ARHGAP24: variants seen among roughly 807,000 people sequenced by gnomAD.
ARHGAP24 encodes the protein rho GTPase-activating protein 24.
ARHGAP24 carries 50 observed loss-of-function variants against 76.4 expected under a neutral mutation model. That is an observed-to-expected ratio of 0.65 (90% CI 0.52 to 0.83). The LOEUF is 0.83. ARHGAP24 is among the 40% of genes least tolerant of loss of function. The pLI, the probability that ARHGAP24 is intolerant of heterozygous loss-of-function variation, is 0.00. For missense variants in ARHGAP24, 930 were observed against 914.2 expected (o/e 1.02, Z -0.22); for synonymous variants, 345 against 323.3 (o/e 1.07, Z -0.72).
chr4:85,827,116 A>C (rs1268159865), intron 3 of ARHGAP24, among the ~76,000 whole-genome samples: 1 of 152,202 alleles, frequency 6.6e-6, no homozygotes, highest in Non-Finnish European at 1.5e-5. Flanking sequence ...GAAGACCCCC[A>C]AAATTAAAGT....
intron 6 of ARHGAP24, among the ~76,000 whole-genome samples, chr4:85,972,859 G>A (rs1018533510): frequency 6.6e-6 from 1 of 152,016 alleles, no homozygotes; most frequent in Admixed American, 6.6e-5. Context: ...GTGTGTGCAC[G>A]ATTGGCTTCT....
intron 2 of ARHGAP24, among the ~76,000 whole-genome samples, chr4:85,716,238 G>A (rs1023190418): frequency 6.6e-6 from 1 of 152,070 alleles, no homozygotes; most frequent in Non-Finnish European, 1.5e-5. Context: ...TTGGCTCAGT[G>A]ATCTGGTATT....
chr4:85,615,683 A>G (rs548035854), intron 2 of ARHGAP24, among the ~76,000 whole-genome samples: 72 of 152,332 alleles, frequency 4.7e-4, no homozygotes, highest in Non-Finnish European at 7.5e-4. Flanking sequence ...TGTAATCATG[A>G]AATTATTAAT....
chr4:85,586,410 T>C (rs1200301673), intron 2 of ARHGAP24, among the ~76,000 whole-genome samples: 1 of 152,234 alleles, frequency 6.6e-6, no homozygotes, highest in Non-Finnish European at 1.5e-5. Context: ...GAATACAGTT[T>C]CATGGTGACA....
intron 3 of ARHGAP24, among the ~76,000 whole-genome samples, chr4:85,756,673 TCTC>T (rs1170816095): frequency 6.6e-6 from 1 of 152,160 alleles, no homozygotes; most frequent in Non-Finnish European, 1.5e-5. Context: ...AGAGAAAAAT[TCTC>T]CTAAGTCACA....
chr4:85,831,127 G>A (rs974846003), intron 3 of ARHGAP24, among the ~76,000 whole-genome samples: 3 of 152,124 alleles, frequency 2.0e-5, no homozygotes, highest in Admixed American at 6.6e-5. Flanking sequence ...ACCTCAAATC[G>A]GATTCTAATA....
intron 3 of ARHGAP24, among the ~76,000 whole-genome samples, chr4:85,776,945 A>T (rs1464320829): frequency 6.6e-6 from 1 of 152,220 alleles, no homozygotes; most frequent in Admixed American, 6.5e-5. Context: ...AGCAAATGCA[A>T]GTAATATGTA....
chr4:85,599,751 T>A (rs1719972365), intron 2 of ARHGAP24, among the ~76,000 whole-genome samples: 1 of 152,204 alleles, frequency 6.6e-6, no homozygotes, highest in Admixed American at 6.5e-5. Flanking sequence ...CTATTTGTAT[T>A]TACTATTTCA....
At chr4:85,718,112 G>T (rs570848198) in intron 2 of ARHGAP24, among the ~76,000 whole-genome samples, 1 of 152,150 alleles carries the variant, frequency 6.6e-6, no homozygotes, top group Admixed American at 6.6e-5. Context: ...GAATACATTA[G>T]GGAGAAGCTC....
At position 85,891,035 on chromosome 4, in the gene ARHGAP24, T is replaced by G. The variant is rs1052998226; in HGVS notation, c.269-32613T>G. 2.7e-4 allele frequency among the ~76,000 whole-genome samples: 41 copies of G among 152,030 alleles called. 1 individual carries two copies. The highest frequency in any genetic ancestry group is 7.4e-5 in the Non-Finnish European group (5 of 68,002). ...GGTAACCATGAAAAGGTGGCTGTAG[T>G]GATCAGGGTGAGAGATAATGATAAC... is the stretch of plus-strand genomic sequence containing the variant. On this transcript the variant is annotated intron_variant, in intron 3 of 9. Coordinates refer to ENST00000395184, the MANE Select transcript of ARHGAP24 (RefSeq NM_001025616.3).
intron 2 of ARHGAP24, among the ~76,000 whole-genome samples, chr4:85,670,411 A>G (rs961819654): frequency 1.3e-5 from 2 of 152,228 alleles, no homozygotes; most frequent in East Asian, 1.9e-4. Flanking sequence ...TGAATCACCA[A>G]TACTGCAAAC....
intron 2 of ARHGAP24, among the ~76,000 whole-genome samples, chr4:85,575,697 C>A (rs531000066): frequency 6.6e-6 from 1 of 152,234 alleles, no homozygotes; most frequent in East Asian, 1.9e-4. Context: ...AAAAATAAGG[C>A]AATTGTGCAG....
At chr4:85,697,510 A>C (rs989411016) in intron 2 of ARHGAP24, among the ~76,000 whole-genome samples, 11 of 140,304 alleles carry the variant, frequency 7.8e-5, no homozygotes, top group Non-Finnish European at 1.2e-4. Flanking sequence ...AATAAATTTT[A>C]AAAAAATATG....
chr4:85,815,569 C>T (rs901967521), intron 3 of ARHGAP24, among the ~76,000 whole-genome samples: 3 of 152,242 alleles, frequency 2.0e-5, no homozygotes, highest in Non-Finnish European at 4.4e-5. Flanking sequence ...CAACAAGTTC[C>T]TCATTTCCAT....
At chr4:85,793,008 A>T (rs1728195283) in intron 3 of ARHGAP24, among the ~76,000 whole-genome samples, 1 of 152,208 alleles carries the variant, frequency 6.6e-6, no homozygotes, top group East Asian at 1.9e-4. Flanking sequence ...AAAGACAATA[A>T]GATAAATAGA....
intron 1 of ARHGAP24, among the ~76,000 whole-genome samples, chr4:85,509,960 T>C (rs1380050952): frequency 6.6e-6 from 1 of 152,174 alleles, no homozygotes; most frequent in Non-Finnish European, 1.5e-5. Context: ...GATAGAGTGG[T>C]GGCAAGATGC....
chr4:85,669,319 G>A (rs1191987052), intron 2 of ARHGAP24, among the ~76,000 whole-genome samples: 1 of 151,984 alleles, frequency 6.6e-6, no homozygotes, highest in East Asian at 1.9e-4. Context: ...GCCTGATTTA[G>A]GTTTCAGGGT....
chr4:85,487,859 A>G (rs1465689713), intron 1 of ARHGAP24, among the ~76,000 whole-genome samples: 1 of 123,014 alleles, frequency 8.1e-6, no homozygotes, highest in Non-Finnish European at 1.6e-5. Context: ...TATTTATTAT[A>G]TATATTATAT....
intron 5 of ARHGAP24, among the ~76,000 whole-genome samples, chr4:85,950,571 T>A (rs1444742222): frequency 6.6e-6 from 1 of 152,182 alleles, no homozygotes; most frequent in African/African-American, 2.4e-5. Flanking sequence ...TGAATGATGA[T>A]GAATAGTGTC....
Sources: gnomAD v4.1 joint callset for allele counts (sites outside exome capture counted in the v4.1 genomes callset) on GRCh38, gnomAD v4.1.1 for gene constraint, MANE v1.5 for transcripts, NCBI Gene and HGNC (gene_info 2026-07-23, HGNC 2026-07-21) for gene names.